The following KCNA7 variants were observed in gnomAD, a reference collection of about 807,000 sequenced individuals.
KCNA7 encodes the protein potassium channel, voltage gated shaker related subfamily A, member 7.
Under a neutral mutation model 21.5 loss-of-function variants are expected in KCNA7, and 15 were observed. That is an observed-to-expected ratio of 0.70 (90% CI 0.47 to 1.07). KCNA7 has a LOEUF of 1.07. Among genes scored for constraint, KCNA7 ranks in the 50% least tolerant of loss-of-function variants. The probability of loss-of-function intolerance (pLI) is 0.00; values close to 1 mark genes in which losing one functional copy is unlikely to be tolerated. For synonymous variants in KCNA7, 298 were observed against 291.0 expected (o/e 1.02, Z -0.24); for missense variants, 640 against 651.6 (o/e 0.98, Z 0.19).
chr19:49,070,029 G>A lies in KCNA7; in HGVS notation c.*34C>T, dbSNP rs774582553. The A allele has an allele frequency of 6.5e-7, 1 of 1,526,942 alleles. No individual in the cohort carries two copies. Among genetic ancestry groups the A allele is most frequent in the East Asian group, 2.3e-5 (1 of 44,138 alleles). 94.6% of individuals were successfully genotyped at this position (1,526,942 alleles called of 1,614,324 possible). ...CCCTGCCCTCCCTCCCTCCCTCTAG[G>A]GAGGTGTGAGGTCCTGCAGACCTCA... On this transcript the variant is annotated 3_prime_UTR_variant, in exon 2 of 2. Transcript: ENST00000221444. The surrounding 1 kb of genome is among the most constrained non-coding windows in gnomAD (Gnocchi z 4.3).
rs200579675 is a variant in KCNA7 at position 49,072,043 on chromosome 19, G to A, written c.543C>T (p.Ala181=). Residue 181 remains alanine (A), a synonymous_variant, in exon 1 of 2, where the codon GCC becomes GCT. Coordinates refer to ENST00000221444, the MANE Select transcript of KCNA7 (RefSeq NM_031886.3). ...DRDGTGLAAA[A]AAGPFPAPLN... is the part of the protein sequence containing the mutation. ...CCCCGCCTCTCACCGGGCCGGCTGC[G>A]GCTGCAGCAGCAAGCCCCGTGCCGT... 313 of 1,602,896 alleles carry A rather than the reference G, an allele frequency of 2.0e-4. No homozygotes were observed. The African/African-American group carries it at 3.7e-3, about 19-fold the overall frequency.
At chr19:49,071,934 A>G (rs998555006) in intron 1 of KCNA7, 97 bp downstream of exon 1, 1 of 472,132 alleles carries the variant, frequency 2.1e-6, no homozygotes, top group Non-Finnish European at 2.8e-6. Context: ...CACCCCTCGC[A>G]GCCCCTGGCC....
chr19:49,069,647 G>A lies in KCNA7; in HGVS notation c.*416C>T, dbSNP rs940321246. On this transcript the variant is annotated 3_prime_UTR_variant, in exon 2 of 2. Transcript: ENST00000221444. ...TCTAACTTGACCCAACATGGCCCTAGGGGACCCACCAAACCACAGAATCCT... is the reference window on the plus strand; with the variant it reads ...TCTAACTTGACCCAACATGGCCCTAAGGGACCCACCAAACCACAGAATCCT... The A allele has an allele frequency of 2.3e-5, 4 of 171,404 alleles. No homozygotes were observed. Among genetic ancestry groups the A allele is most frequent in the Non-Finnish European group, 3.7e-5 (3 of 80,360 alleles). The allele number at this position is 171,404 out of a possible 1,614,324, so 10.6% of individuals were successfully genotyped here.
chr19:49,070,104 G>A lies in KCNA7; in HGVS notation c.1330C>T (p.Leu444Phe), dbSNP rs781325560. 1.0e-5 allele frequency: 16 copies of A among 1,603,126 alleles called. No homozygotes were observed. The East Asian group carries it at 2.9e-4, about 29-fold the overall frequency. Residue 444 changes from leucine to phenylalanine, a missense_variant, in exon 2 of 2, where the codon CTC (leucine) becomes TTC (phenylalanine). Leu to Phe is a conservative substitution (Grantham distance 22). Transcript: ENST00000221444. This position sits in a 1 kb window ranked among gnomAD's most constrained non-coding sequence, Gnocchi z 4.3. Reference protein sequence around the residue: ...DGEVPELPPPLWAPPGKHLVT... With the variant: ...DGEVPELPPPFWAPPGKHLVT... ...AGGTGTTTCCCTGGGGGTGCCCAGAGTGGAGGTGGTAGCTCAGGTACCTCC... is the reference window on the plus strand; with the variant it reads ...AGGTGTTTCCCTGGGGGTGCCCAGAATGGAGGTGGTAGCTCAGGTACCTCC...
In KCNA7 at chr19:49,070,011, C is replaced by A; in HGVS notation, c.*52G>T. On this transcript the variant is annotated 3_prime_UTR_variant, in exon 2 of 2. Coordinates refer to ENST00000221444, the MANE Select transcript of KCNA7 (RefSeq NM_031886.3). The surrounding 1 kb of genome is among the most constrained non-coding windows in gnomAD (Gnocchi z 4.3). ...CCCCAGCCTTGCCCTCCACCCTGCC[C>A]TCCCTCCCTCCCTCTAGGGAGGTGT... 1 of 1,401,712 alleles carries A rather than the reference C, an allele frequency of 7.1e-7. No individual in the cohort carries two copies. The highest frequency in any genetic ancestry group is 1.3e-5 in the South Asian group (1 of 75,484). The allele number at this position is 1,401,712 out of a possible 1,614,324, so 86.8% of individuals were successfully genotyped here.
In KCNA7 at chr19:49,067,979, A is replaced by G. The variant is rs2040229751; in HGVS notation, c.*2084T>C. 6 of 150,806 alleles carry G rather than the reference A, an allele frequency of 4.0e-5. No homozygotes were observed. Among genetic ancestry groups the G allele is most frequent in the Admixed American group, 1.3e-4 (2 of 15,138 alleles). The allele number at this position is 150,806 out of a possible 1,614,324, so 9.3% of individuals were successfully genotyped here. A position where few individuals can be genotyped will look rare whatever the true frequency, so the allele number is the denominator to read the frequency against. On this transcript the variant is annotated 3_prime_UTR_variant, in exon 2 of 2. Transcript: ENST00000221444. ...CAGTGGCGCAATCTCGGCTCACTGC[A>G]AGCTCCGCCTCCCAGGTTCATGCCA...
Position 49,070,108 on chromosome 19 carries a change from AGG to A in KCNA7, c.1324_1325del (p.Pro442SerfsTer19), listed in dbSNP as rs761552109. The A allele has an allele frequency of 1.8e-3, 2,323 of 1,294,348 alleles. 2 individuals are homozygous for A. Among genetic ancestry groups the A allele is most frequent in the Non-Finnish European group, 2.2e-3 (2,165 of 965,454 alleles). The allele number at this position is 1,294,348 out of a possible 1,614,324, so 80.2% of individuals were successfully genotyped here. On this transcript the variant is annotated frameshift_variant, in exon 2 of 2. Transcript: ENST00000221444. LOFTEE classifies it high-confidence loss of function. The surrounding 1 kb of genome is among the most constrained non-coding windows in gnomAD (Gnocchi z 4.3). The part of the protein sequence containing the change: ...LVDGEVPELP[P>X]PLWAPPGKHL... ...GTTTCCCTGGGGGTGCCCAGAGTGG[AGG>A]TGGTAGCTCAGGTACCTCCCCGTCC...
Position 49,072,254 on chromosome 19 carries a change from C to A in KCNA7, c.332G>T (p.Gly111Val). Residue 111 changes from glycine (G) to valine (V), a missense_variant, in exon 1 of 2, where the codon GGC becomes GTC. Gly to Val is a moderately radical substitution (Grantham distance 109, BLOSUM62 -3). Transcript: ENST00000221444. ...GGGGCGCTCGGGCGGCACCGGGCAG[C>A]CCTCGTCCTCGCGCAGGCGTGCCAG... ...AALARLREDE[G>V]CPVPPERPLP... The A allele has an allele frequency of 6.3e-7, 1 of 1,587,818 alleles. No individual in the cohort carries two copies.
chr19:49,069,788 C>A lies in KCNA7; in HGVS notation c.*275G>T. The A allele has an allele frequency of 2.3e-6, 1 of 440,858 alleles. No individual in the cohort carries two copies. The highest frequency in any genetic ancestry group is 4.1e-6 in the Non-Finnish European group (1 of 245,578). 27.3% of individuals were successfully genotyped at this position (440,858 alleles called of 1,614,324 possible). ...CCTATCTCAACACTACCCCAAAAGG[C>A]TCCATGAGCTTTGCACAACTCAGAG... is the stretch of plus-strand genomic sequence containing the variant. On this transcript the variant is annotated 3_prime_UTR_variant, in exon 2 of 2. Transcript: ENST00000221444.
rs770266312 is a variant in KCNA7 at position 49,070,285 on chromosome 19, C to G, written c.1149G>C (p.Val383=). Residue 383 remains valine, a synonymous_variant, in exon 2 of 2, where the codon GTG becomes GTC. Coordinates refer to ENST00000221444, the MANE Select transcript of KCNA7 (RefSeq NM_031886.3). This position sits in a 1 kb window ranked among gnomAD's most constrained non-coding sequence, Gnocchi z 4.3. ...IVGSLCAIAG[V]LTISLPVPVI... is the part of the protein sequence containing the mutation. ...CGGGCACTGGCAGGGAAATAGTCAG[C>G]ACGCCCGCAATGGCACACAGAGAGC... is the stretch of plus-strand genomic sequence containing the variant. 29 of 1,614,068 alleles carry G rather than the reference C, an allele frequency of 1.8e-5. No homozygotes were observed. Among genetic ancestry groups the G allele is most frequent in the African/African-American group, 2.7e-5 (2 of 74,920 alleles).
Position 49,072,691 on chromosome 19 carries a change from C to T in KCNA7, c.-106G>A, listed in dbSNP as rs1467850430. On this transcript the variant is annotated 5_prime_UTR_variant, in exon 1 of 2. Coordinates refer to ENST00000221444, the MANE Select transcript of KCNA7 (RefSeq NM_031886.3). ...CGGCCGCCGCCGCCGCCGCCCCAGCCCGGTGTCCGGTGTCCGGTGTCCGCG... is the reference window on the plus strand; with the variant it reads ...CGGCCGCCGCCGCCGCCGCCCCAGCTCGGTGTCCGGTGTCCGGTGTCCGCG... 1.3e-5 allele frequency: 7 copies of T among 552,080 alleles called. No individual in the cohort carries two copies. Among genetic ancestry groups the T allele is most frequent in the South Asian group, 7.6e-5 (1 of 13,136 alleles). 34.2% of individuals were successfully genotyped at this position (552,080 alleles called of 1,614,324 possible).
At position 49,072,399 on chromosome 19, in the gene KCNA7, G is replaced by A; in HGVS notation, c.187C>T (p.Pro63Ser). The change falls in exon 1 of 2, where the codon CCC becomes TCC. Residue 63 changes from proline to serine, a missense_variant. By Grantham distance (74) the Pro-to-Ser change is moderately conservative. Coordinates refer to ENST00000221444, the MANE Select transcript of KCNA7 (RefSeq NM_031886.3). ...RREYFFDRHR[P>S]SFDAVLYYYQ... ...TAGTAGAGCACGGCGTCGAAGCTGG[G>A]CCGGTGCCGGTCGAAGAAATACTCG... The A allele has an allele frequency of 6.3e-7, 1 of 1,585,632 alleles. No homozygotes were observed. Among genetic ancestry groups the A allele is most frequent in the Non-Finnish European group, 8.5e-7 (1 of 1,172,594 alleles).
chr19:49,071,598 C>G (rs1431111657), intron 1 of KCNA7, among the ~76,000 whole-genome samples: 3 of 151,966 alleles, frequency 2.0e-5, no homozygotes, highest in Non-Finnish European at 4.4e-5. Flanking sequence ...AAGCCGAGCC[C>G]TAGGCCCCCT....
chr19:49,071,275 C>A (rs2040255792), intron 1 of KCNA7, among the ~76,000 whole-genome samples: 1 of 151,948 alleles, frequency 6.6e-6, no homozygotes, highest in Admixed American at 6.6e-5. Context: ...GAGTATAATG[C>A]GGCTGGGCGC....
chr19:49,072,124 G>C lies in KCNA7; in HGVS notation c.462C>G (p.Leu154=). 1 of 1,612,468 alleles carries C rather than the reference G, an allele frequency of 6.2e-7. No individual in the cohort carries two copies. Among genetic ancestry groups the C allele is most frequent in the Non-Finnish European group, 8.5e-7 (1 of 1,179,692 alleles). ...VLAVVSVLVI[L]VSIVVFCLET... is the part of the protein sequence containing the mutation. ...CGAGGCAGAAGACGACGATGGAGACGAGGATGACCAGCACGGAGACTACGG... is the reference window on the plus strand; with the variant it reads ...CGAGGCAGAAGACGACGATGGAGACCAGGATGACCAGCACGGAGACTACGG... The change falls in exon 1 of 2, where the codon CTC becomes CTG. Residue 154 remains leucine, a synonymous_variant. Transcript: ENST00000221444.
Position 49,069,359 on chromosome 19 carries a change from G to A in KCNA7, c.*704C>T, listed in dbSNP as rs1318138143. ...ACACAACTCAACTCGCTGTGGCCAC[G>A]AAAAATGTCCAGCCACACACCTCTA... On this transcript the variant is annotated 3_prime_UTR_variant, in exon 2 of 2. Transcript: ENST00000221444. 3.3e-5 allele frequency: 5 copies of A among 152,116 alleles called. No homozygotes were observed. The highest frequency in any genetic ancestry group is 4.4e-5 in the Non-Finnish European group (3 of 67,998). The allele number at this position is 152,116 out of a possible 1,614,324, so 9.4% of individuals were successfully genotyped here. A position where few individuals can be genotyped will look rare whatever the true frequency, so the allele number is the denominator to read the frequency against.
Position 49,072,261 on chromosome 19 carries a change from C to T in KCNA7, c.325G>A (p.Asp109Asn). 1.3e-6 allele frequency: 2 copies of T among 1,588,444 alleles called. No individual in the cohort carries two copies. The highest frequency in any genetic ancestry group is 1.7e-6 in the Non-Finnish European group (2 of 1,170,278). ...GAAALARLRE[D>N]EGCPVPPERP... ...TCGGGCGGCACCGGGCAGCCCTCGT[C>T]CTCGCGCAGGCGTGCCAGGGCCGCC... Residue 109 changes from aspartate to asparagine, a missense_variant, in exon 1 of 2, where the codon GAC (aspartate) becomes AAC (asparagine). By Grantham distance (23) the Asp-to-Asn change is conservative (BLOSUM62 1). Coordinates refer to ENST00000221444, the MANE Select transcript of KCNA7 (RefSeq NM_031886.3).
At chr19:49,071,842 T>C (rs938324033) in intron 1 of KCNA7, among the ~76,000 whole-genome samples, 189 bp downstream of exon 1, 1 of 152,160 alleles carries the variant, frequency 6.6e-6, no homozygotes, top group Non-Finnish European at 1.5e-5. Flanking sequence ...CTCACTGACC[T>C]CAACCCCACC....
chr19:49,071,908 CTGTCTT>C, intron 1 of KCNA7, 117 bp downstream of exon 1: 2 of 926,956 alleles, frequency 2.2e-6, no homozygotes, highest in East Asian at 2.8e-5. Flanking sequence ...CCCGCCCACC[CTGTCTT>C]CGGCTGGCCC....
Sources: allele counts gnomAD v4.1 joint callset (sites outside exome capture counted in the v4.1 genomes callset), GRCh38; gene constraint gnomAD v4.1.1; non-coding constraint Gnocchi (gnomAD v3.1); transcripts MANE v1.5; gene names NCBI Gene and HGNC (gene_info 2026-07-23, HGNC 2026-07-21).